RORA: variants seen among roughly 807,000 people sequenced by gnomAD.
RORA encodes the protein RAR related orphan receptor A, also known as nuclear receptor ROR-alpha.
In RORA, 7 loss-of-function variants were observed where a neutral mutation model predicts 69.5. The ratio of observed to expected loss-of-function variants is 0.10; its 90% CI spans 0.06 to 0.19. The LOEUF (loss-of-function observed/expected upper bound fraction) is 0.19. Ranked by LOEUF, RORA falls within the 10% of genes least tolerant of loss-of-function variation. The probability of loss-of-function intolerance (pLI) is 1.00; values close to 1 mark genes in which losing one functional copy is unlikely to be tolerated. For synonymous variants in RORA, 261 were observed against 240.8 expected (o/e 1.08, Z -0.78); for missense variants, 457 against 663.0 (o/e 0.69, Z 3.41).
intron 1 of RORA, among the ~76,000 whole-genome samples, chr15:60,980,059 T>C (rs1438285826): frequency 6.6e-6 from 1 of 152,190 alleles, no homozygotes; most frequent in African/African-American, 2.4e-5. Context: ...CCCTTCTATT[T>C]CTAGTTTGTT....
intron 1 of RORA, among the ~76,000 whole-genome samples, chr15:60,898,577 T>C (rs977535563): frequency 3.9e-5 from 6 of 152,174 alleles, no homozygotes; most frequent in South Asian, 4.2e-4. Flanking sequence ...TACACACCTA[T>C]AGTCCCAGCT....
intron 2 of RORA, among the ~76,000 whole-genome samples, chr15:60,645,132 C>T (rs1242886054): frequency 6.6e-6 from 1 of 151,946 alleles, no homozygotes; most frequent in Non-Finnish European, 1.5e-5. Flanking sequence ...GGAACTGTCC[C>T]GGTTTACAAA....
chr15:60,649,725 G>A (rs2070111595), intron 2 of RORA, among the ~76,000 whole-genome samples: 1 of 152,100 alleles, frequency 6.6e-6, no homozygotes, highest in Non-Finnish European at 1.5e-5. Context: ...AATTTGGATT[G>A]AGCATCCATG....
intron 1 of RORA, among the ~76,000 whole-genome samples, chr15:61,010,961 C>T (rs1346250226): frequency 6.6e-6 from 1 of 152,224 alleles, no homozygotes; most frequent in African/African-American, 2.4e-5. Context: ...AAGCCAAGCA[C>T]ATTTCAACTA....
chr15:60,712,185 A>G (rs1050135214), intron 1 of RORA, among the ~76,000 whole-genome samples: 4 of 152,230 alleles, frequency 2.6e-5, no homozygotes, highest in Non-Finnish European at 5.9e-5. Flanking sequence ...GACTTATTCC[A>G]GAGGTGGTAT....
intron 1 of RORA, among the ~76,000 whole-genome samples, chr15:61,004,544 A>G (rs1199178816): frequency 2.6e-5 from 4 of 152,178 alleles, no homozygotes; most frequent in African/African-American, 9.7e-5. Flanking sequence ...AGCAGCAGCC[A>G]GGTTGAAAGA....
intron 1 of RORA, among the ~76,000 whole-genome samples, chr15:60,736,460 A>G (rs866232464): frequency 3.9e-5 from 6 of 152,332 alleles, no homozygotes; most frequent in African/African-American, 1.2e-4. Flanking sequence ...ATAGGCCAGC[A>G]TTCGGTTTAA....
intron 1 of RORA, among the ~76,000 whole-genome samples, chr15:60,838,208 G>A (rs567437655): frequency 6.6e-6 from 1 of 152,216 alleles, no homozygotes; most frequent in East Asian, 1.9e-4. Flanking sequence ...CCAGCATGCT[G>A]TTCCACACCA....
chr15:60,878,561 C>T (rs1165096210), intron 1 of RORA, among the ~76,000 whole-genome samples: 1 of 152,116 alleles, frequency 6.6e-6, no homozygotes, highest in Non-Finnish European at 1.5e-5. Flanking sequence ...GCCTGCTCGC[C>T]CTGCAGTGGC....
intron 1 of RORA, among the ~76,000 whole-genome samples, chr15:61,146,835 T>C (rs984293348): frequency 5.3e-5 from 8 of 152,206 alleles, no homozygotes; most frequent in Admixed American, 5.2e-4. Context: ...CTGAGGCTGA[T>C]ACATTGGTTA....
At chr15:61,079,879 T>C (rs377406024) in intron 1 of RORA, among the ~76,000 whole-genome samples, 82 of 152,304 alleles carry the variant, frequency 5.4e-4, no homozygotes, top group African/African-American at 1.9e-3. Flanking sequence ...TGTGGCTTTA[T>C]TTCCTGTGCG....
intron 1 of RORA, among the ~76,000 whole-genome samples, chr15:60,931,084 G>A (rs1441522048): frequency 6.6e-6 from 1 of 152,214 alleles, no homozygotes; most frequent in Non-Finnish European, 1.5e-5. Context: ...CCACATGGAA[G>A]AGTGACTGGT....
intron 2 of RORA, among the ~76,000 whole-genome samples, chr15:60,538,234 G>T (rs1223561924): frequency 6.6e-6 from 1 of 152,152 alleles, no homozygotes; most frequent in East Asian, 1.9e-4. Context: ...AGCACTGGGA[G>T]TCAATTCAGC....
chr15:60,940,175 C>G (rs562140399), intron 1 of RORA, among the ~76,000 whole-genome samples: 1 of 152,230 alleles, frequency 6.6e-6, no homozygotes, highest in East Asian at 1.9e-4. Flanking sequence ...AAATTAGAGG[C>G]TGGGTCACAA....
chr15:60,701,639 G>T (rs1007891506), intron 1 of RORA, among the ~76,000 whole-genome samples: 2 of 152,166 alleles, frequency 1.3e-5, no homozygotes, highest in African/African-American at 4.8e-5. Context: ...CCCTCCACCC[G>T]CAGCACAGGC....
chr15:60,684,716 G>A (rs2140761326), intron 1 of RORA, among the ~76,000 whole-genome samples: 1 of 152,276 alleles, frequency 6.6e-6, no homozygotes, highest in Middle Eastern at 3.4e-3. Flanking sequence ...TGGCAGGGAG[G>A]AAGAGATGTG....
intron 2 of RORA, among the ~76,000 whole-genome samples, chr15:60,611,211 T>A (rs1024265786): frequency 6.6e-6 from 1 of 152,130 alleles, no homozygotes; most frequent in African/African-American, 2.4e-5. Context: ...TCTTTCCTCT[T>A]GAATGGGTTC....
At chr15:60,900,276 C>G (rs1290827104) in intron 1 of RORA, among the ~76,000 whole-genome samples, 1 of 152,336 alleles carries the variant, frequency 6.6e-6, no homozygotes, top group Non-Finnish European at 1.5e-5. Flanking sequence ...TGCTCACATA[C>G]AGATTTCGGT....
At chr15:60,874,390 T>C (rs957815611) in intron 1 of RORA, among the ~76,000 whole-genome samples, 5 of 152,216 alleles carry the variant, frequency 3.3e-5, no homozygotes, top group Non-Finnish European at 5.9e-5. Flanking sequence ...TCCAACTTTG[T>C]AGGGTTACAT....
Sources: gnomAD v4.1 joint callset for allele counts (sites outside exome capture counted in the v4.1 genomes callset) on GRCh38, gnomAD v4.1.1 for gene constraint, MANE v1.5 for transcripts, NCBI Gene and HGNC (gene_info 2026-07-23, HGNC 2026-07-21) for gene names.